Variants in SHCBP1L observed in about 807,000 individuals in gnomAD.
The protein encoded by SHCBP1L is SHC binding and spindle associated 1 like.
A neutral mutation model predicts 62.5 loss-of-function variants in SHCBP1L; 67 were observed. That is an observed-to-expected ratio of 1.07 (90% CI 0.88 to 1.31). The LOEUF is 1.31. Among genes scored for constraint, SHCBP1L ranks in the 40% most tolerant of loss-of-function variants. The pLI, the probability that SHCBP1L is intolerant of heterozygous loss-of-function variation, is 0.00. For missense variants in SHCBP1L, 823 were observed against 809.8 expected, an observed-to-expected ratio of 1.02 and a Z score of -0.20; for synonymous variants, 284 against 289.4, an observed-to-expected ratio of 0.98 and a Z score of 0.19.
rs775516849 is a variant in SHCBP1L, at chr1:182,952,992, G to T, written c.142C>A (p.Arg48=). ...TTLKGTAIPV[R]SVVASPRPVK... ...GGGCGAGGGGAGGCCACCACCGACC[G>T]CACTGGGATCGCGGTGCCCTTCAGG... Residue 48 remains arginine, a synonymous_variant, in exon 1 of 10, where the codon CGG becomes AGG. Transcript: ENST00000367547. 29 of 1,543,352 alleles carry T rather than the reference G, an allele frequency of 1.9e-5. No individual in the cohort carries two copies. Among genetic ancestry groups the T allele is most frequent in the East Asian group, 2.4e-5 (1 of 41,164 alleles).
intron 6 of SHCBP1L, among the ~76,000 whole-genome samples, chr1:182,917,869 C>G (rs992984538): frequency 6.6e-6 from 1 of 151,890 alleles, no homozygotes; most frequent in African/African-American, 2.4e-5. Flanking sequence ...TTTGGAGGGA[C>G]GCAATTCTGC....
At chr1:182,940,652 T>C in intron 2 of SHCBP1L, 109 bp from the exon 3 acceptor site, 4 of 837,776 alleles carry the variant, frequency 4.8e-6, no homozygotes, top group Non-Finnish European at 7.2e-6. Flanking sequence ...TTTAAATTTA[T>C]GACTTCTTCA....
At chr1:182,936,130 G>GTTGTTTTTTTTTTTTTTT (rs1651161829) in intron 5 of SHCBP1L, among the ~76,000 whole-genome samples, 1 of 63,996 alleles carries the variant, frequency 1.6e-5, no homozygotes, top group African/African-American at 4.9e-5. Context: ...TTTGTTTTTT[G>GTTGTTTTTTTTTTTTTTT]TTTTTTTTTT....
intron 9 of SHCBP1L, among the ~76,000 whole-genome samples, chr1:182,902,693 C>T (rs1423462142): frequency 2.6e-5 from 4 of 152,062 alleles, no homozygotes; most frequent in Admixed American, 2.6e-4. Flanking sequence ...ACTTCAAATG[C>T]TTCTTAATAT....
Position 182,904,520 on chromosome 1 carries a change from T to G in SHCBP1L, c.1337-90A>C, listed in dbSNP as rs554336245. The G allele has an allele frequency of 3.0e-5, 42 of 1,382,472 alleles. No homozygotes were observed. The Admixed American group carries it at 4.0e-4, about 13-fold the overall frequency. 85.6% of individuals were successfully genotyped at this position (1,382,472 alleles called of 1,614,324 possible). On this transcript the variant is annotated intron_variant, in intron 7 of 9. Coordinates refer to ENST00000367547, the MANE Select transcript of SHCBP1L (RefSeq NM_030933.4). ...TTCAACAATACTGCTGTTACTAAAG[T>G]TTTTCCCTGTGTGCGTGTGTGTGTG...
At chr1:182,905,445 T>A in intron 7 of SHCBP1L, 51 bp downstream of exon 7, 3 of 1,537,664 alleles carry the variant, frequency 2.0e-6, no homozygotes, top group Non-Finnish European at 2.7e-6. Flanking sequence ...AATACACAAT[T>A]TGTCCAGTAT....
At chr1:182,929,582 G>T in intron 6 of SHCBP1L, 65 bp downstream of exon 6, 2 of 1,025,730 alleles carry the variant, frequency 1.9e-6, no homozygotes, top group African/African-American at 3.4e-5. Context: ...CACCCTCAGG[G>T]AGCTTCTTTT....
chr1:182,924,779 A>AGAAG (rs1650651168), intron 6 of SHCBP1L, among the ~76,000 whole-genome samples: 1 of 102,408 alleles, frequency 9.8e-6, no homozygotes, highest in Non-Finnish European at 1.7e-5. Flanking sequence ...AAAGAAAGAA[A>AGAAG]GAAAGAAAGA....
At position 182,952,900 on chromosome 1, in the gene SHCBP1L, G is replaced by C. The variant is rs776852872; in HGVS notation, c.234C>G (p.Ala78=). 1.2e-5 allele frequency: 19 copies of C among 1,582,484 alleles called. No homozygotes were observed. The highest frequency in any genetic ancestry group is 2.3e-5 in the East Asian group (1 of 43,128). Residue 78 remains alanine, a synonymous_variant, in exon 1 of 10, where the codon GCC becomes GCG. Transcript: ENST00000367547. ...LRLQRLPAAQ[A]EDTGEAAAAA... is the part of the protein sequence containing the mutation. ...CCGCCGCCGCCTCTCCCGTGTCCTC[G>C]GCCTGAGCCGCGGGCAGGCGCTGGA...
In SHCBP1L at chr1:182,904,527, C is replaced by CTG. The variant is rs1239198613; in HGVS notation, c.1337-99_1337-98dup. The CTG allele has an allele frequency of 3.0e-5, 36 of 1,213,338 alleles. No individual in the cohort carries two copies. In the Middle Eastern group the frequency reaches 6.6e-4, roughly 22 times the overall value. 75.2% of individuals were successfully genotyped at this position (1,213,338 alleles called of 1,614,324 possible). On this transcript the variant is annotated intron_variant, in intron 7 of 9. Transcript: ENST00000367547. ...ATACTGCTGTTACTAAAGTTTTTCCCTGTGTGCGTGTGTGTGTGTGTGTGT... is the reference window on the plus strand; with the variant it reads ...ATACTGCTGTTACTAAAGTTTTTCCCTGTGTGTGCGTGTGTGTGTGTGTGTGT...
At chr1:182,934,994 T>C (rs2101947058) in intron 5 of SHCBP1L, among the ~76,000 whole-genome samples, 1 of 151,768 alleles carries the variant, frequency 6.6e-6, no homozygotes, top group Middle Eastern at 3.4e-3. Flanking sequence ...CTCTCTAATC[T>C]GGACTATATA....
intron 2 of SHCBP1L, among the ~76,000 whole-genome samples, chr1:182,947,496 T>C (rs1451244999): frequency 2.6e-5 from 4 of 152,188 alleles, no homozygotes; most frequent in African/African-American, 9.7e-5. Context: ...ATATGCTAGA[T>C]TTCCTTCCCA....
At chr1:182,931,866 T>C (rs530587732) in intron 5 of SHCBP1L, among the ~76,000 whole-genome samples, 28 of 151,860 alleles carry the variant, frequency 1.8e-4, no homozygotes, top group Admixed American at 5.3e-4. Flanking sequence ...GCCACCATTA[T>C]AGTATAATAC....
At chr1:182,952,686 G>A (rs1320003753) in intron 1 of SHCBP1L, 43 bp downstream of exon 1, 7 of 1,546,004 alleles carry the variant, frequency 4.5e-6, no homozygotes, top group Admixed American at 1.9e-5. Flanking sequence ...CCCAGGTTCC[G>A]ACGAGCTTCC....
chr1:182,900,405 A>G (rs1485511621), intron 9 of SHCBP1L, among the ~76,000 whole-genome samples, 171 bp from the exon 10 acceptor site: 1 of 152,130 alleles, frequency 6.6e-6, no homozygotes, highest in South Asian at 2.1e-4. Flanking sequence ...ACACCAACTA[A>G]CGTAATATTA....
At chr1:182,942,395 T>G (rs915393306) in intron 2 of SHCBP1L, 2 of 727,660 alleles carry the variant, frequency 2.7e-6, no homozygotes, top group Non-Finnish European at 5.1e-6. Flanking sequence ...GACCTTCCTC[T>G]TGGGTATCCT....
chr1:182,930,350 A>C (rs903021995), intron 5 of SHCBP1L, among the ~76,000 whole-genome samples: 5 of 151,258 alleles, frequency 3.3e-5, no homozygotes, highest in African/African-American at 1.2e-4. Context: ...TCGTATCTCT[A>C]TCATTTAAGT....
At chr1:182,918,138 A>G (rs967384998) in intron 6 of SHCBP1L, among the ~76,000 whole-genome samples, 3 of 147,840 alleles carry the variant, frequency 2.0e-5, no homozygotes, top group African/African-American at 7.4e-5. Flanking sequence ...GTGTGTATAT[A>G]TATACACATA....
chr1:182,939,092 G>T, intron 5 of SHCBP1L, 84 bp downstream of exon 5: 1 of 1,085,998 alleles, frequency 9.2e-7, no homozygotes, highest in Non-Finnish European at 1.3e-6. Context: ...ACTTTAATCA[G>T]AACATATACC....
Sources: allele counts gnomAD v4.1 joint callset (sites outside exome capture counted in the v4.1 genomes callset), GRCh38; gene constraint gnomAD v4.1.1; transcripts MANE v1.5; gene names NCBI Gene and HGNC (gene_info 2026-07-23, HGNC 2026-07-21).